LRRC4C: variants seen among roughly 807,000 people sequenced by gnomAD.
The protein encoded by LRRC4C is leucine-rich repeat-containing protein 4C.
In LRRC4C, 5 loss-of-function variants were observed where a neutral mutation model predicts 33.6. The ratio of observed to expected loss-of-function variants is 0.15; its 90% CI spans 0.08 to 0.31. The LOEUF (loss-of-function observed/expected upper bound fraction) is 0.31. LRRC4C is among the 10% of genes least tolerant of loss of function. The pLI is 1.00. For missense variants in LRRC4C, 560 were observed against 796.7 expected (o/e 0.70, Z 3.58); for synonymous variants, 329 against 302.0 (o/e 1.09, Z -0.93).
At chr11:41,015,776 G>C (rs1481431711) in intron 1 of LRRC4C, among the ~76,000 whole-genome samples, 1 of 152,120 alleles carries the variant, frequency 6.6e-6, no homozygotes, top group African/African-American at 2.4e-5. Context: ...AACCAGTAGT[G>C]CTCAGAAACT....
intron 1 of LRRC4C, among the ~76,000 whole-genome samples, chr11:41,293,123 A>G (rs2137020763): frequency 6.6e-6 from 1 of 152,334 alleles, no homozygotes; most frequent in East Asian, 1.9e-4. Context: ...AAATATATTA[A>G]GAGGAAAAAA....
chr11:40,968,808 C>A (rs990444721), intron 1 of LRRC4C, among the ~76,000 whole-genome samples: 1 of 152,116 alleles, frequency 6.6e-6, no homozygotes, highest in Non-Finnish European at 1.5e-5. Context: ...GACAGTGCAC[C>A]TATTCACCCA....
chr11:40,543,858 C>T (rs191575879), intron 3 of LRRC4C, among the ~76,000 whole-genome samples: 2 of 152,080 alleles, frequency 1.3e-5, no homozygotes, highest in Admixed American at 1.3e-4. Context: ...TATTAAAATA[C>T]ATGGGTGTAT....
intron 3 of LRRC4C, among the ~76,000 whole-genome samples, chr11:40,343,573 T>G (rs1946972884): frequency 6.6e-6 from 1 of 151,962 alleles, no homozygotes; most frequent in African/African-American, 2.4e-5. Context: ...GCGTTCTCAT[T>G]GATTAGCTCC....
At chr11:40,318,830 C>T (rs1249519677) in intron 4 of LRRC4C, among the ~76,000 whole-genome samples, 1 of 152,134 alleles carries the variant, frequency 6.6e-6, no homozygotes, top group Admixed American at 6.6e-5. Context: ...TGGTAGTAGT[C>T]TACTATATAG....
At chr11:41,326,375 TG>T (rs1265721572) in intron 1 of LRRC4C, among the ~76,000 whole-genome samples, 5 of 152,132 alleles carry the variant, frequency 3.3e-5, no homozygotes, top group Non-Finnish European at 2.9e-5. Flanking sequence ...TTTGAGGTTT[TG>T]GGACTCAAAC....
chr11:40,987,681 T>TATATCTCATATATATATATATATG (rs1565274740), intron 1 of LRRC4C, among the ~76,000 whole-genome samples: 1 of 74,676 alleles, frequency 1.3e-5, no homozygotes, highest in African/African-American at 6.1e-5. Context: ...AAATGATATA[T>TATATCTCATATATATATATATATG]ATATATATAT....
chr11:41,359,566 T>A (rs1403515022), intron 1 of LRRC4C, among the ~76,000 whole-genome samples: 1 of 152,192 alleles, frequency 6.6e-6, no homozygotes, highest in Non-Finnish European at 1.5e-5. Context: ...CAGAGTCGAA[T>A]TTTATAAAAG....
chr11:40,597,944 C>T (rs892479855), intron 3 of LRRC4C, among the ~76,000 whole-genome samples: 3 of 152,294 alleles, frequency 2.0e-5, no homozygotes, highest in Middle Eastern at 3.4e-3. Flanking sequence ...GCATGAGGTC[C>T]AGATGACTGC....
rs1384414079 is a variant in LRRC4C, at chr11:40,949,427, A to G, written c.-495-15704T>C. Among the ~76,000 whole-genome samples the G allele has an allele frequency of 2.6e-5, 4 of 152,078 alleles. No individual in the cohort carries two copies. In the East Asian group the frequency reaches 7.7e-4, roughly 29 times the overall value. On this transcript the variant is annotated intron_variant, in intron 1 of 6. Coordinates refer to ENST00000528697, the MANE Select transcript of LRRC4C (RefSeq NM_001258419.2). Reference sequence around the variant, plus strand: ...GACACATAATTGTCAGATTCACCAAAGTTGAAATGAAGGAAAAAATGTTAA... The same window carrying G: ...GACACATAATTGTCAGATTCACCAAGGTTGAAATGAAGGAAAAAATGTTAA...
intron 2 of LRRC4C, among the ~76,000 whole-genome samples, chr11:40,791,686 G>A (rs1472058600): frequency 1.3e-5 from 2 of 152,122 alleles, no homozygotes; most frequent in Non-Finnish European, 2.9e-5. Flanking sequence ...CCAATTCATC[G>A]TGATCTATGA....
chr11:40,511,076 G>A (rs2135136117), intron 3 of LRRC4C, among the ~76,000 whole-genome samples: 1 of 152,238 alleles, frequency 6.6e-6, no homozygotes, highest in Non-Finnish European at 1.5e-5. Context: ...GTGCCTCTTA[G>A]GCAATATCTC....
At chr11:40,547,328 C>T (rs1956964050) in intron 3 of LRRC4C, among the ~76,000 whole-genome samples, 1 of 151,916 alleles carries the variant, frequency 6.6e-6, no homozygotes, top group Non-Finnish European at 1.5e-5. Flanking sequence ...GGCTAAAGTA[C>T]TAGAAGTGAT....
chr11:41,065,551 C>T (rs974147469), intron 1 of LRRC4C, among the ~76,000 whole-genome samples: 3 of 152,172 alleles, frequency 2.0e-5, no homozygotes, highest in African/African-American at 7.2e-5. Context: ...CCCAGCATAG[C>T]GCACCAGCTC....
At position 40,225,982 on chromosome 11, in the gene LRRC4C, C is replaced by A. The variant is rs1590758772; in HGVS notation, c.-96+15537G>T. ...TAGATTCAAAATACTACACTTCTAA[C>A]TGAGAGACTACATAGATATGTGATA... On this transcript the variant is annotated intron_variant, in intron 5 of 6. Coordinates refer to ENST00000528697, the MANE Select transcript of LRRC4C (RefSeq NM_001258419.2). 5.3e-5 allele frequency among the ~76,000 whole-genome samples: 8 copies of A among 152,308 alleles called. 1 individual carries two copies. Among genetic ancestry groups the A allele is most frequent in the Admixed American group, 5.2e-4 (8 of 15,290 alleles).
intron 1 of LRRC4C, among the ~76,000 whole-genome samples, chr11:41,222,515 T>C (rs1487092): frequency 0.043 from 6,494 of 152,158 alleles, 146 homozygotes; most frequent in South Asian, 0.067. Flanking sequence ...ACAACAAACA[T>C]GAGACTTGGG....
At chr11:40,429,592 G>C (rs1454175719) in intron 3 of LRRC4C, among the ~76,000 whole-genome samples, 2 of 149,696 alleles carry the variant, frequency 1.3e-5, no homozygotes, top group Non-Finnish European at 2.9e-5. Context: ...AACAAAACAT[G>C]TAAGGGTATG....
intron 2 of LRRC4C, among the ~76,000 whole-genome samples, chr11:40,652,348 C>G (rs1942860503): frequency 6.6e-6 from 1 of 152,202 alleles, no homozygotes; most frequent in Non-Finnish European, 1.5e-5. Flanking sequence ...GTGTTATACT[C>G]TTTATCTCAA....
At chr11:40,375,743 C>T (rs1325811204) in intron 3 of LRRC4C, among the ~76,000 whole-genome samples, 1 of 152,136 alleles carries the variant, frequency 6.6e-6, no homozygotes, top group African/African-American at 2.4e-5. Context: ...TAAACGTAGA[C>T]ACAGATTCAC....
Sources: gnomAD v4.1 joint callset for allele counts (sites outside exome capture counted in the v4.1 genomes callset) on GRCh38, gnomAD v4.1.1 for gene constraint, MANE v1.5 for transcripts, NCBI Gene and HGNC (gene_info 2026-07-23, HGNC 2026-07-21) for gene names.